STX18: variants seen among roughly 807,000 people sequenced by gnomAD.
The protein encoded by STX18 is syntaxin-18.
Under a neutral mutation model 50.1 loss-of-function variants are expected in STX18, and 40 were observed. That is an observed-to-expected ratio of 0.80 (90% CI 0.62 to 1.04). The LOEUF (loss-of-function observed/expected upper bound fraction) is 1.04, where lower values mean the gene tolerates loss of function less well. Among genes scored for constraint, STX18 ranks in the 50% least tolerant of loss-of-function variants. The pLI, the probability that STX18 is intolerant of heterozygous loss-of-function variation, is 0.00. For synonymous variants in STX18, 158 were observed against 151.8 expected (o/e 1.04, Z -0.30); for missense variants, 410 against 415.8 (o/e 0.99, Z 0.12).
At position 4,533,026 on chromosome 4, in the gene STX18, C is replaced by G. The variant is rs565782218; in HGVS notation, c.168+8771G>C. ...TATGTTAGATGGTGATAAGTAGAAG[C>G]TGGCAAACTTTAGTATTCATAGTCT... On this transcript the variant is annotated intron_variant, in intron 1 of 10. Coordinates refer to ENST00000306200, the MANE Select transcript of STX18 (RefSeq NM_016930.4). Among the ~76,000 whole-genome samples, 3 of 152,208 alleles carry G rather than the reference C, an allele frequency of 2.0e-5. No individual in the cohort carries two copies. The East Asian group carries it at 5.8e-4, about 29-fold the overall frequency.
chr4:4,440,499 G>A (rs558243274), intron 5 of STX18, among the ~76,000 whole-genome samples: 36 of 152,196 alleles, frequency 2.4e-4, no homozygotes, highest in Non-Finnish European at 4.6e-4. Flanking sequence ...TGCTCCATGT[G>A]GGGTATATTC....
intron 1 of STX18, among the ~76,000 whole-genome samples, chr4:4,520,523 A>G (rs16835824): frequency 0.024 from 3,673 of 152,342 alleles, 148 homozygotes; most frequent in African/African-American, 0.084. Context: ...CTAAAAAGCT[A>G]TACTATTAGA....
At chr4:4,425,700 G>A (rs1414792010) in intron 7 of STX18, 1 of 159,972 alleles carries the variant, frequency 6.3e-6, no homozygotes, top group Non-Finnish European at 1.4e-5. Context: ...AGCTGCCTCT[G>A]GGCCCCTCTG....
chr4:4,474,809 C>T (rs1458837989), intron 1 of STX18, among the ~76,000 whole-genome samples: 1 of 152,158 alleles, frequency 6.6e-6, no homozygotes. Context: ...GAAAAGAACA[C>T]GGTCCTGCCA....
intron 7 of STX18, among the ~76,000 whole-genome samples, chr4:4,429,740 C>T (rs936587659): frequency 6.6e-6 from 1 of 152,186 alleles, no homozygotes; most frequent in Non-Finnish European, 1.5e-5. Context: ...CTGGAACCTC[C>T]CCAGGGTCTG....
intron 1 of STX18, among the ~76,000 whole-genome samples, chr4:4,478,480 T>C (rs1263665153): frequency 6.6e-6 from 1 of 152,182 alleles, no homozygotes; most frequent in Non-Finnish European, 1.5e-5. Flanking sequence ...GAAAGCAACA[T>C]CCAGGATTGT....
In STX18 at chr4:4,453,528, T is replaced by C. The variant is rs755082265; in HGVS notation, c.497+3663A>G. ...CATAATGTTATTGCACACTTTATAGTATAAACATAGCTTTTATATGCACTG... is the reference window on the plus strand; with the variant it reads ...CATAATGTTATTGCACACTTTATAGCATAAACATAGCTTTTATATGCACTG... On this transcript the variant is annotated intron_variant, in intron 5 of 10. Transcript: ENST00000306200. 5 of 196,640 alleles carry C rather than the reference T, an allele frequency of 2.5e-5. 1 individual carries two copies. The highest frequency in any genetic ancestry group is 3.7e-4 in the East Asian group (2 of 5,388). 12.2% of individuals were successfully genotyped at this position (196,640 alleles called of 1,614,324 possible). A position where few individuals can be genotyped will look rare whatever the true frequency, so the allele number is the denominator to read the frequency against.
At chr4:4,540,980 T>C (rs1451255653) in intron 1 of STX18, among the ~76,000 whole-genome samples, 2 of 152,196 alleles carry the variant, frequency 1.3e-5, no homozygotes, top group African/African-American at 2.4e-5. Context: ...CAGAACTATA[T>C]AAGCTGTAGG....
At chr4:4,533,363 T>C (rs1015486222) in intron 1 of STX18, among the ~76,000 whole-genome samples, 3 of 152,134 alleles carry the variant, frequency 2.0e-5, no homozygotes, top group Admixed American at 1.3e-4. Flanking sequence ...ACGTCAAACA[T>C]CAAGTTTACA....
At chr4:4,532,677 G>C (rs780922981) in intron 1 of STX18, among the ~76,000 whole-genome samples, 1 of 152,184 alleles carries the variant, frequency 6.6e-6, no homozygotes, top group Non-Finnish European at 1.5e-5. Context: ...GACACCCAGA[G>C]AGGTTAGGTG....
At chr4:4,518,090 A>C (rs937214206) in intron 1 of STX18, among the ~76,000 whole-genome samples, 27 of 152,166 alleles carry the variant, frequency 1.8e-4, no homozygotes, top group African/African-American at 5.3e-4. Context: ...GTTCTTATAA[A>C]ATGTTGCAAA....
At chr4:4,468,154 A>G (rs913617762) in intron 2 of STX18, among the ~76,000 whole-genome samples, 1 of 152,228 alleles carries the variant, frequency 6.6e-6, no homozygotes, top group Non-Finnish European at 1.5e-5. Context: ...CCTAGTCTCA[A>G]GATGTAATCC....
chr4:4,420,357 A>G lies in STX18; in HGVS notation c.913-228T>C. 3.8e-6 allele frequency: 2 copies of G among 523,740 alleles called. No homozygotes were observed. The highest frequency in any genetic ancestry group is 3.3e-5 in the East Asian group (1 of 29,932). The allele number at this position is 523,740 out of a possible 1,614,324, so 32.4% of individuals were successfully genotyped here. ...TTGGGTCCTGCACAATTCTCCCTCA[A>G]CACAACTCTCGGAATCACTCCCTTC... On this transcript the variant is annotated intron_variant, in intron 10 of 10. Coordinates refer to ENST00000306200, the MANE Select transcript of STX18 (RefSeq NM_016930.4). The surrounding 1 kb of genome is among the most constrained non-coding windows in gnomAD (Gnocchi z 4.3).
At chr4:4,507,330 G>A in intron 1 of STX18, 1 of 740,722 alleles carries the variant, frequency 1.4e-6, no homozygotes. Flanking sequence ...TCACAGAGCT[G>A]AATATTATGG....
chr4:4,466,793 A>G (rs1451653896), intron 2 of STX18, among the ~76,000 whole-genome samples: 1 of 152,232 alleles, frequency 6.6e-6, no homozygotes, highest in Non-Finnish European at 1.5e-5. Flanking sequence ...CAGGGGAACT[A>G]CAATAGAGAA....
chr4:4,481,901 C>T (rs1172341530), intron 1 of STX18, among the ~76,000 whole-genome samples: 1 of 152,158 alleles, frequency 6.6e-6, no homozygotes, highest in Non-Finnish European at 1.5e-5. Flanking sequence ...GGAACTGTTC[C>T]TTTCTCGCTT....
intron 5 of STX18, among the ~76,000 whole-genome samples, chr4:4,441,088 T>C (rs1029726615): frequency 6.6e-5 from 10 of 152,332 alleles, no homozygotes; most frequent in African/African-American, 2.2e-4. Flanking sequence ...TACTGGTGCA[T>C]GGCAGCTGGC....
intron 1 of STX18, among the ~76,000 whole-genome samples, chr4:4,540,473 T>C (rs1466418022): frequency 1.3e-5 from 2 of 152,206 alleles, no homozygotes; most frequent in African/African-American, 4.8e-5. Context: ...TCTCTTAGCC[T>C]GAGATGTCCT....
Position 4,439,265 on chromosome 4 carries a change from C to G in STX18, c.498-756G>C, listed in dbSNP as rs115249253. On this transcript the variant is annotated intron_variant, in intron 5 of 10. Coordinates refer to ENST00000306200, the MANE Select transcript of STX18 (RefSeq NM_016930.4). ...CCACATACATATATTCACATATACT[C>G]ACCCACATAAACACACACACATATA... 4.0e-3 allele frequency among the ~76,000 whole-genome samples: 556 copies of G among 139,532 alleles called. 7 individuals carry two copies. Among genetic ancestry groups the G allele is most frequent in the African/African-American group, 0.016 (526 of 33,918 alleles). 91.5% of individuals were successfully genotyped at this position (139,532 alleles called of 152,430 possible). A position where few individuals can be genotyped will look rare whatever the true frequency, so the allele number is the denominator to read the frequency against.
Sources: allele counts gnomAD v4.1 joint callset (sites outside exome capture counted in the v4.1 genomes callset), GRCh38; gene constraint gnomAD v4.1.1; non-coding constraint Gnocchi (gnomAD v3.1); transcripts MANE v1.5; gene names NCBI Gene and HGNC (gene_info 2026-07-23, HGNC 2026-07-21).